Variants in ELL observed in about 807,000 individuals in gnomAD.
The protein encoded by ELL is elongation factor for RNA polymerase II.
Under a neutral mutation model 64.0 loss-of-function variants are expected in ELL, and 18 were observed. The ratio of observed to expected loss-of-function variants is 0.28; its 90% CI spans 0.19 to 0.42. The LOEUF is 0.42. Ranked by LOEUF, ELL falls within the 10% of genes least tolerant of loss-of-function variation. The probability of loss-of-function intolerance (pLI) is 1.00; values close to 1 mark genes in which losing one functional copy is unlikely to be tolerated. For missense variants in ELL, 797 were observed against 870.4 expected, an observed-to-expected ratio of 0.92 and a Z score of 1.06; for synonymous variants, 399 against 376.2, an observed-to-expected ratio of 1.06 and a Z score of -0.70.
chr19:18,520,905 C>A (rs763217172), intron 1 of ELL, among the ~76,000 whole-genome samples: 11 of 152,008 alleles, frequency 7.2e-5, no homozygotes, highest in Non-Finnish European at 1.5e-4. Flanking sequence ...CAACTTCTGA[C>A]CCAGCACAGA....
At chr19:18,484,279 C>T (rs8107222) in intron 1 of ELL, among the ~76,000 whole-genome samples, 22,431 of 152,110 alleles carry the variant, frequency 0.15, 1,751 homozygotes, top group South Asian at 0.2. Flanking sequence ...GCCTGGCCAA[C>T]GTGGTGAAAC....
At chr19:18,504,134 C>T (rs1319898200) in intron 1 of ELL, among the ~76,000 whole-genome samples, 2 of 152,200 alleles carry the variant, frequency 1.3e-5, no homozygotes, top group Non-Finnish European at 2.9e-5. Flanking sequence ...CTCTGCTAAG[C>T]ATGCATCACT....
At chr19:18,516,503 C>A (rs1227668171) in intron 1 of ELL, among the ~76,000 whole-genome samples, 1 of 152,202 alleles carries the variant, frequency 6.6e-6, no homozygotes, top group Admixed American at 6.5e-5. Flanking sequence ...CTGTCTCCTG[C>A]CACTAGAATG....
intron 9 of ELL, 29 bp from the exon 10 acceptor site, chr19:18,446,509 G>A: frequency 6.2e-7 from 1 of 1,603,882 alleles, no homozygotes; most frequent in African/African-American, 1.3e-5. Context: ...GCCACTGAGT[G>A]GAGGCTGGAA....
At chr19:18,517,705 A>AT (rs1976157578) in intron 1 of ELL, among the ~76,000 whole-genome samples, 2 of 151,792 alleles carry the variant, frequency 1.3e-5, no homozygotes, top group South Asian at 4.2e-4. Flanking sequence ...TACAAAAAAA[A>AT]ATTTTTTTTA....
At chr19:18,508,405 A>C (rs1452126158) in intron 1 of ELL, among the ~76,000 whole-genome samples, 1 of 152,250 alleles carries the variant, frequency 6.6e-6, no homozygotes, top group African/African-American at 2.4e-5. Flanking sequence ...CTCAGGTTCA[A>C]GGTTTGACAT....
intron 6 of ELL, 32 bp downstream of exon 6, chr19:18,458,173 G>T: frequency 6.2e-7 from 1 of 1,603,020 alleles, no homozygotes. Flanking sequence ...CATGCGGGTG[G>T]GGACATGCTG....
chr19:18,492,655 T>C (rs1478029262), intron 1 of ELL, among the ~76,000 whole-genome samples: 2 of 152,190 alleles, frequency 1.3e-5, no homozygotes, highest in African/African-American at 2.4e-5. Flanking sequence ...CACACAAGTG[T>C]GCCCTCTCCT....
chr19:18,496,526 A>G (rs1280947661), intron 1 of ELL, among the ~76,000 whole-genome samples: 1 of 115,572 alleles, frequency 8.7e-6, no homozygotes, highest in Admixed American at 7.7e-5. Flanking sequence ...GCAGGTAACA[A>G]CTTTTTTTTT....
rs1386671357 is a variant in ELL, at chr19:18,444,698, TCAC to T, written c.*51_*53del. 3.3e-6 allele frequency: 5 copies of T among 1,504,674 alleles called. No homozygotes were observed. In the African/African-American group the frequency reaches 6.9e-5, roughly 21 times the overall value. 93.2% of individuals were successfully genotyped at this position (1,504,674 alleles called of 1,614,324 possible). A position where few individuals can be genotyped will look rare whatever the true frequency, so the allele number is the denominator to read the frequency against. On this transcript the variant is annotated 3_prime_UTR_variant, in exon 12 of 12. Coordinates refer to ENST00000262809, the MANE Select transcript of ELL (RefSeq NM_006532.4). The stretch of plus-strand genomic sequence containing the variant: ...TTTATTTTTTTAAATAAATCCTCTC[TCAC>T]CGCCTTTTGCTCCCCCGACCCTCCC...
chr19:18,444,988 G>A, intron 11 of ELL, 120 bp from the exon 12 acceptor site: 2 of 1,197,880 alleles, frequency 1.7e-6, no homozygotes, highest in Non-Finnish European at 1.2e-6. Flanking sequence ...AAGGAGGGTT[G>A]TGGTCCAAGG....
intron 1 of ELL, among the ~76,000 whole-genome samples, chr19:18,496,066 G>A (rs1196119206): frequency 2.0e-5 from 3 of 151,974 alleles, no homozygotes; most frequent in Admixed American, 6.5e-5. Context: ...CAGTGCCACC[G>A]ACACTCCACT....
chr19:18,492,354 C>G (rs1203855560), intron 1 of ELL, among the ~76,000 whole-genome samples: 1 of 152,140 alleles, frequency 6.6e-6, no homozygotes, highest in Non-Finnish European at 1.5e-5. Context: ...TAGGGGTGTC[C>G]TTGAATTTGA....
intron 1 of ELL, among the ~76,000 whole-genome samples, chr19:18,519,603 T>C (rs1185479156): frequency 6.6e-6 from 1 of 152,000 alleles, no homozygotes; most frequent in African/African-American, 2.4e-5. Context: ...GGTCAGGAGT[T>C]CAAGACCAGC....
Position 18,450,566 on chromosome 19 carries a change from T to A in ELL, c.1376A>T (p.Glu459Val), listed in dbSNP as rs35318523. 31 of 1,612,666 alleles carry A rather than the reference T, an allele frequency of 1.9e-5. No individual in the cohort carries two copies. The highest frequency in any genetic ancestry group is 2.5e-5 in the Non-Finnish European group (29 of 1,179,842). ...KKKSKKHKDKERAAEDKPRAQ... is the reference protein window; with the variant it reads ...KKKSKKHKDKVRAAEDKPRAQ... ...CCGGGGCTTGTCCTCAGCCGCCCTC[T>A]CCTTGTCTTTGTGCTTCTTGGACTT... Residue 459 changes from glutamate (E) to valine (V), a missense_variant, in exon 8 of 12, where the codon GAG becomes GTG. Glu to Val is a moderately radical substitution (Grantham distance 121). Coordinates refer to ENST00000262809, the MANE Select transcript of ELL (RefSeq NM_006532.4).
intron 5 of ELL, 83 bp downstream of exon 5, chr19:18,461,495 T>C: frequency 6.6e-7 from 1 of 1,525,054 alleles, no homozygotes; most frequent in East Asian, 2.3e-5. Flanking sequence ...CCAATCCCAG[T>C]CTCCATGCTC....
chr19:18,466,010 C>T (rs946729154), intron 2 of ELL, 92 bp from the exon 3 acceptor site: 2 of 1,174,878 alleles, frequency 1.7e-6, no homozygotes, highest in Non-Finnish European at 2.1e-6. Flanking sequence ...ACAGTGCAAC[C>T]CTCACAACAG....
At chr19:18,479,315 G>A (rs761948423) in intron 1 of ELL, among the ~76,000 whole-genome samples, 10 of 152,166 alleles carry the variant, frequency 6.6e-5, no homozygotes, top group Non-Finnish European at 1.3e-4. Context: ...CACGGGAAGC[G>A]ACCATCAGAG....
intron 1 of ELL, among the ~76,000 whole-genome samples, chr19:18,487,892 C>G (rs1600479100): frequency 6.6e-6 from 1 of 152,244 alleles, no homozygotes; most frequent in Non-Finnish European, 1.5e-5. Context: ...TGCTCAGAAC[C>G]TGGCTGGCAG....
Sources: gnomAD v4.1 joint callset for allele counts (sites outside exome capture counted in the v4.1 genomes callset) on GRCh38, gnomAD v4.1.1 for gene constraint, MANE v1.5 for transcripts, NCBI Gene and HGNC (gene_info 2026-07-23, HGNC 2026-07-21) for gene names.